ZNF362: variants seen among roughly 807,000 people sequenced by gnomAD.
ZNF362 encodes zinc finger protein 362, also known as rotund homolog.
In ZNF362, 11 loss-of-function variants were observed where a neutral mutation model predicts 42.9. The observed-to-expected ratio is 0.26, with a 90% CI of 0.16 to 0.42. The LOEUF is 0.42. ZNF362 is among the 20% of genes least tolerant of loss of function. The pLI is 1.00. For missense variants in ZNF362, 362 were observed against 576.2 expected (o/e 0.63, Z 3.81); for synonymous variants, 255 against 257.3 (o/e 0.99, Z 0.09).
the ZNF362 span, among the ~76,000 whole-genome samples, chr1:33,225,277 T>G: frequency 1.3e-5 from 2 of 152,146 alleles, no homozygotes; most frequent in African/African-American, 4.8e-5. Context: ...AACACACTTA[T>G]TCCACCTGGT....
At chr1:33,240,993 C>T in the ZNF362 span, among the ~76,000 whole-genome samples, 3 of 152,056 alleles carry the variant, frequency 2.0e-5, no homozygotes, top group Non-Finnish European at 2.9e-5. Flanking sequence ...GCAGTAGAGA[C>T]GGTGCTTGAA....
At chr1:33,147,350 A>AGCTTG in the ZNF362 span, 1 of 1,614,212 alleles carries the variant, frequency 6.2e-7, no homozygotes, top group East Asian at 2.2e-5. The surrounding 1 kb of genome is among the most constrained non-coding windows in gnomAD (Gnocchi z 8.1). Flanking sequence ...TAGTCCAGGA[A>AGCTTG]GACACCCACC....
At chr1:33,222,948 G>T in the ZNF362 span, among the ~76,000 whole-genome samples, 1 of 152,026 alleles carries the variant, frequency 6.6e-6, no homozygotes, top group Non-Finnish European at 1.5e-5. Context: ...GAGATCTGAT[G>T]GTTTTAAAAA....
chr1:33,299,316 C>T lies in ZNF362; in HGVS notation c.*270C>T, dbSNP rs900211481. 6.5e-5 allele frequency: 22 copies of T among 337,866 alleles called. No individual in the cohort carries two copies. The highest frequency in any genetic ancestry group is 1.6e-5 in the Non-Finnish European group (3 of 186,898). 20.9% of individuals were successfully genotyped at this position (337,866 alleles called of 1,614,324 possible). ...TGTTGAGTTTTCTTTTTGTTCCCCA[C>T]CCTTCACTTGCTTCACTGTTTTTTT... On this transcript the variant is annotated 3_prime_UTR_variant, in exon 9 of 9. Transcript: ENST00000539719.
intron 1 of ZNF362, among the ~76,000 whole-genome samples, chr1:33,258,160 C>T (rs759710240): frequency 2.0e-5 from 3 of 152,164 alleles, no homozygotes; most frequent in East Asian, 3.9e-4. Flanking sequence ...GCCCTACGCC[C>T]GGGAGGTAGA....
intron 7 of ZNF362, 41 bp downstream of exon 7, chr1:33,295,056 G>A: frequency 1.2e-6 from 2 of 1,611,168 alleles, no homozygotes; most frequent in South Asian, 1.1e-5. Flanking sequence ...GTGCTCTGGT[G>A]CCCCCCCACC....
chr1:33,251,700 C>T (rs954341536), upstream of ZNF362, among the ~76,000 whole-genome samples: 2 of 152,204 alleles, frequency 1.3e-5, no homozygotes, highest in Non-Finnish European at 2.9e-5. Flanking sequence ...TCAAACTCCT[C>T]CCTGCCCCAG....
Position 33,295,203 on chromosome 1 carries a change from G to A in ZNF362, c.1044G>A (p.Arg348=), listed in dbSNP as rs1646111501. 4.3e-6 allele frequency: 7 copies of A among 1,614,186 alleles called. No homozygotes were observed. The highest frequency in any genetic ancestry group is 2.2e-5 in the East Asian group (1 of 44,872). Residue 348 remains arginine (R), a synonymous_variant, in exon 8 of 9, where the codon CGG becomes CGA. Coordinates refer to ENST00000539719, the MANE Select transcript of ZNF362 (RefSeq NM_152493.3). ...CCTACAAGTGTCCCAACTGCTACCGGGCCTATTCGGACTCCGCTTCTTTGC... is the reference window on the plus strand; with the variant it reads ...CCTACAAGTGTCCCAACTGCTACCGAGCCTATTCGGACTCCGCTTCTTTGC... The part of the protein sequence containing the change: ...DKPYKCPNCY[R]AYSDSASLQI...
At chr1:33,273,243 C>G (rs765118577) in intron 2 of ZNF362, among the ~76,000 whole-genome samples, 15 of 152,380 alleles carry the variant, frequency 9.8e-5, no homozygotes, top group Non-Finnish European at 1.8e-4. Flanking sequence ...AGGTAGATAC[C>G]AGGACTAGGG....
At chr1:33,213,925 A>G in the ZNF362 span, among the ~76,000 whole-genome samples, 1 of 152,140 alleles carries the variant, frequency 6.6e-6, no homozygotes, top group Admixed American at 6.5e-5. Context: ...TTGAACGAAA[A>G]CACCTGATTT....
the ZNF362 span, among the ~76,000 whole-genome samples, chr1:33,247,396 C>T: frequency 2.6e-5 from 4 of 152,262 alleles, no homozygotes; most frequent in African/African-American, 9.6e-5. Context: ...AGGGCTGCGG[C>T]TATCTTCCAC....
At chr1:33,167,687 G>T in the ZNF362 span, among the ~76,000 whole-genome samples, 2 of 152,210 alleles carry the variant, frequency 1.3e-5, no homozygotes, top group Non-Finnish European at 2.9e-5. The surrounding 1 kb of genome is among the most constrained non-coding windows in gnomAD (Gnocchi z 4.2). Context: ...TGCCAGGAAG[G>T]CTGACTTACC....
chr1:33,171,812 C>T, the ZNF362 span, among the ~76,000 whole-genome samples: 1 of 152,118 alleles, frequency 6.6e-6, no homozygotes, highest in South Asian at 2.1e-4. Context: ...GACAGAATCT[C>T]GCTCTGTAAC....
intron 8 of ZNF362, 53 bp from the exon 9 acceptor site, chr1:33,298,877 T>G (rs563011717): frequency 6.6e-7 from 1 of 1,517,220 alleles, no homozygotes; most frequent in South Asian, 1.1e-5. Context: ...CTGCAGCCTC[T>G]TCTCCCTCCC....
chr1:33,295,419 G>GAA, intron 8 of ZNF362, 114 bp downstream of exon 8: 3 of 808,870 alleles, frequency 3.7e-6, no homozygotes, highest in Non-Finnish European at 5.7e-6. Context: ...CAGACAAATT[G>GAA]AGGCCTAGAG....
chr1:33,294,185 A>G lies in ZNF362; in HGVS notation c.909-752A>G, dbSNP rs1353833447. ...AACGTTGAGTGCTTACTTTGTACCA[A>G]CACTAGGCTAAGCCCTTTACATGCA... is the stretch of plus-strand genomic sequence containing the variant. On this transcript the variant is annotated intron_variant, in intron 6 of 8. Transcript: ENST00000539719. This position sits in a 1 kb window ranked among gnomAD's most constrained non-coding sequence, Gnocchi z 4.2. Among the ~76,000 whole-genome samples, 1 of 152,240 alleles carries G rather than the reference A, an allele frequency of 6.6e-6. No homozygotes were observed. The highest frequency in any genetic ancestry group is 2.4e-5 in the African/African-American group (1 of 41,462).
the ZNF362 span, among the ~76,000 whole-genome samples, chr1:33,242,246 G>A: frequency 2.6e-5 from 4 of 152,114 alleles, no homozygotes; most frequent in Non-Finnish European, 5.9e-5. Context: ...GAACCCTAGG[G>A]AAAGATGGCC....
the ZNF362 span, among the ~76,000 whole-genome samples, chr1:33,167,405 G>A: frequency 1.3e-5 from 2 of 152,364 alleles, no homozygotes; most frequent in Admixed American, 1.3e-4. This position sits in a 1 kb window ranked among gnomAD's most constrained non-coding sequence, Gnocchi z 4.2. Flanking sequence ...AATGGGTTGT[G>A]GAGGTGAGTG....
the ZNF362 span, among the ~76,000 whole-genome samples, chr1:33,131,357 G>T: frequency 6.6e-6 from 1 of 152,216 alleles, no homozygotes; most frequent in Non-Finnish European, 1.5e-5. Context: ...GAAACAGTAA[G>T]ATTGAGGCTA....
Sources: gnomAD v4.1 joint callset for allele counts (sites outside exome capture counted in the v4.1 genomes callset) on GRCh38, gnomAD v4.1.1 for gene constraint, Gnocchi (gnomAD v3.1) non-coding constraint, MANE v1.5 for transcripts, NCBI Gene and HGNC (gene_info 2026-07-23, HGNC 2026-07-21) for gene names.